SLC8A3: variants seen among roughly 807,000 people sequenced by gnomAD.
SLC8A3 encodes sodium/calcium exchanger 3.
SLC8A3 carries 37 observed loss-of-function variants against 65.4 expected under a neutral mutation model. The ratio of observed to expected loss-of-function variants is 0.57; its 90% confidence interval spans 0.44 to 0.74. The LOEUF (loss-of-function observed/expected upper bound fraction) is 0.74, where lower values mean the gene tolerates loss of function less well. Among genes scored for constraint, SLC8A3 ranks in the 30% least tolerant of loss-of-function variants. SLC8A3 has a pLI of 0.00. For synonymous variants in SLC8A3, 461 were observed against 444.5 expected (o/e 1.04, Z -0.47); for missense variants, 1,112 against 1,172.1 (o/e 0.95, Z 0.75).
intron 2 of SLC8A3, among the ~76,000 whole-genome samples, chr14:70,104,758 A>C (rs1364462686): frequency 6.6e-6 from 1 of 152,212 alleles, no homozygotes; most frequent in Non-Finnish European, 1.5e-5. Context: ...AATAAAAGAC[A>C]ATGAAAAGAC....
At chr14:70,080,978 G>C (rs193034814) in intron 2 of SLC8A3, among the ~76,000 whole-genome samples, 1 of 152,316 alleles carries the variant, frequency 6.6e-6, no homozygotes, top group African/African-American at 2.4e-5. Flanking sequence ...GCAGAGAATT[G>C]AACTCAAGCC....
chr14:70,178,599 T>C (rs1882446277), intron 1 of SLC8A3, among the ~76,000 whole-genome samples: 1 of 152,244 alleles, frequency 6.6e-6, no homozygotes, highest in African/African-American at 2.4e-5. Flanking sequence ...TGAGATTAAC[T>C]TCAAGGTAAT....
chr14:70,110,677 T>C (rs1202433367), intron 2 of SLC8A3, among the ~76,000 whole-genome samples: 61 of 1,858 alleles, frequency 0.033, no homozygotes, highest in African/African-American at 0.055. Flanking sequence ...CTCTTTCTTT[T>C]TTTTTTTTTT....
At chr14:70,185,701 G>A (rs189264490) in intron 1 of SLC8A3, among the ~76,000 whole-genome samples, 4 of 152,326 alleles carry the variant, frequency 2.6e-5, no homozygotes, top group East Asian at 3.9e-4. Context: ...ATCCCATGCC[G>A]GGCACAGTGC....
intron 2 of SLC8A3, among the ~76,000 whole-genome samples, chr14:70,136,322 G>A (rs1453420252): frequency 2.0e-5 from 3 of 152,184 alleles, no homozygotes; most frequent in African/African-American, 7.2e-5. Flanking sequence ...CCAGAACTGT[G>A]AGGCAATACA....
rs112429245 is a variant in SLC8A3 at position 70,051,054 on chromosome 14, G to A, written c.2067C>T (p.Thr689=). ...CCATGAACTGGTCCCTCCAGGAATG[G>A]GTCCCCACAACCAAGGCCAGGTTTG... ...KKTNLALVVG[T]HSWRDQFMEA... The change falls in exon 5 of 7, where the codon ACC becomes ACT. Residue 689 remains threonine (T), a synonymous_variant. Coordinates refer to ENST00000356921, the MANE Select transcript of SLC8A3 (RefSeq NM_182932.3). 5 of 1,613,614 alleles carry A rather than the reference G, an allele frequency of 3.1e-6. No homozygotes were observed. The highest frequency in any genetic ancestry group is 2.7e-5 in the African/African-American group (2 of 75,004).
At chr14:70,163,402 G>C (rs184858875) in intron 2 of SLC8A3, among the ~76,000 whole-genome samples, 1 of 152,250 alleles carries the variant, frequency 6.6e-6, no homozygotes, top group Non-Finnish European at 1.5e-5. Flanking sequence ...ATGTGAATTC[G>C]TGGATCCTAT....
Position 70,167,067 on chromosome 14 carries a change from C to T in SLC8A3, c.1356G>A (p.Thr452=), listed in dbSNP as rs777810742. 17 of 1,613,810 alleles carry T rather than the reference C, an allele frequency of 1.1e-5. No individual in the cohort carries two copies. The highest frequency in any genetic ancestry group is 5.0e-5 in the Admixed American group (3 of 59,998). The change falls in exon 2 of 7, where the codon ACG becomes ACA. Residue 452 remains threonine (T), a synonymous_variant. Coordinates refer to ENST00000356921, the MANE Select transcript of SLC8A3 (RefSeq NM_182932.3). ...AGADYEFTEG[T]VVLKPGETQK... is the part of the protein sequence containing the mutation. ...GGGTCTCTCCTGGCTTCAGAACCAC[C>T]GTGCCCTCTGTGAACTCATAGTCAG...
At chr14:70,051,928 A>G in intron 4 of SLC8A3, 62 bp downstream of exon 4, 2 of 1,456,544 alleles carry the variant, frequency 1.4e-6, no homozygotes, top group Non-Finnish European at 1.9e-6. Flanking sequence ...AAAACACCCC[A>G]GGTCTTCTGC....
intron 2 of SLC8A3, among the ~76,000 whole-genome samples, chr14:70,115,331 A>T (rs1029948070): frequency 2.0e-5 from 3 of 152,204 alleles, no homozygotes; most frequent in South Asian, 4.1e-4. Context: ...ATAAAGTGCT[A>T]AAGAAATTAC....
At chr14:70,126,774 G>A (rs933784080) in intron 2 of SLC8A3, among the ~76,000 whole-genome samples, 1 of 151,768 alleles carries the variant, frequency 6.6e-6, no homozygotes, top group African/African-American at 2.4e-5. Flanking sequence ...ACCCAAAATT[G>A]AAAATGCTCC....
Position 70,046,460 on chromosome 14 carries a change from T to C in SLC8A3, c.2390-137A>G. On this transcript the variant is annotated intron_variant, in intron 6 of 6. Transcript: ENST00000356921. This position sits in a 1 kb window ranked among gnomAD's most constrained non-coding sequence, Gnocchi z 4.2. ...GAGACAAGGGCTAGGGGGCCACTCC[T>C]AACTCCTAGTTCTGCCGCAAGCAAG... 2.4e-6 allele frequency: 2 copies of C among 827,124 alleles called. No individual in the cohort carries two copies. The highest frequency in any genetic ancestry group is 3.7e-6 in the Non-Finnish European group (2 of 542,390). The allele number at this position is 827,124 out of a possible 1,614,324, so 51.2% of individuals were successfully genotyped here. A position where few individuals can be genotyped will look rare whatever the true frequency, so the allele number is the denominator to read the frequency against.
chr14:70,130,309 C>G (rs1476306811), intron 2 of SLC8A3, among the ~76,000 whole-genome samples: 1 of 152,204 alleles, frequency 6.6e-6, no homozygotes, highest in Non-Finnish European at 1.5e-5. Flanking sequence ...CACCTGCTGA[C>G]CAACCTGTTC....
intron 2 of SLC8A3, among the ~76,000 whole-genome samples, chr14:70,166,044 T>G (rs992876699): frequency 6.6e-5 from 10 of 152,224 alleles, no homozygotes; most frequent in African/African-American, 2.4e-4. Context: ...TTAAATAGTC[T>G]ATGGTCATTT....
At chr14:70,097,206 GTCAGAA>G (rs1250716924) in intron 2 of SLC8A3, among the ~76,000 whole-genome samples, 1 of 151,092 alleles carries the variant, frequency 6.6e-6, no homozygotes, top group Non-Finnish European at 1.5e-5. Context: ...ATGCAACAGA[GTCAGAA>G]TGAAATTTGT....
intron 2 of SLC8A3, among the ~76,000 whole-genome samples, chr14:70,103,692 CA>C (rs991405191): frequency 0.022 from 3,287 of 148,954 alleles, 93 homozygotes; most frequent in African/African-American, 0.069. Flanking sequence ...AAATGGAATA[CA>C]AAAAAAAAAT....
At chr14:70,118,770 T>G (rs1052982684) in intron 2 of SLC8A3, among the ~76,000 whole-genome samples, 1 of 152,124 alleles carries the variant, frequency 6.6e-6, no homozygotes, top group Non-Finnish European at 1.5e-5. Flanking sequence ...GAAATGGAGT[T>G]TGGGATGTTC....
chr14:70,067,124 C>T (rs1423415920), intron 2 of SLC8A3, among the ~76,000 whole-genome samples: 1 of 151,900 alleles, frequency 6.6e-6, no homozygotes, highest in Non-Finnish European at 1.5e-5. Flanking sequence ...TCTTCCCAGT[C>T]CTCAAATCAA....
intron 2 of SLC8A3, among the ~76,000 whole-genome samples, chr14:70,099,792 G>T (rs1011039869): frequency 2.6e-5 from 4 of 152,222 alleles, no homozygotes; most frequent in African/African-American, 7.2e-5. Context: ...AGGCTACAAT[G>T]CTTCCCATGG....
Sources: allele counts gnomAD v4.1 joint callset (sites outside exome capture counted in the v4.1 genomes callset), GRCh38; gene constraint gnomAD v4.1.1; non-coding constraint Gnocchi (gnomAD v3.1); transcripts MANE v1.5; gene names NCBI Gene and HGNC (gene_info 2026-07-23, HGNC 2026-07-21).